COG4: variants seen among roughly 807,000 people sequenced by gnomAD.
The protein encoded by COG4 is conserved oligomeric Golgi complex subunit 4.
In COG4, 65 loss-of-function variants were observed where a neutral mutation model predicts 95.1. That is an observed-to-expected ratio of 0.68 (90% CI 0.56 to 0.84). The LOEUF (loss-of-function observed/expected upper bound fraction) is 0.84. Ranked by LOEUF, COG4 falls within the 40% of genes least tolerant of loss-of-function variation. The pLI, the probability that COG4 is intolerant of heterozygous loss-of-function variation, is 0.00. For synonymous variants in COG4, 421 were observed against 374.8 expected, an observed-to-expected ratio of 1.12 and a Z score of -1.42; for missense variants, 1,045 against 989.1, an observed-to-expected ratio of 1.06 and a Z score of -0.76.
intron 10 of COG4, among the ~76,000 whole-genome samples, chr16:70,497,713 G>A (rs891540623): frequency 1.3e-5 from 2 of 152,080 alleles, no homozygotes; most frequent in Non-Finnish European, 2.9e-5. Context: ...GAGCTGAGCT[G>A]AGCTGTTCTT....
chr16:70,508,429 A>G lies in COG4; in HGVS notation c.1038T>C (p.Ser346=), dbSNP rs1409437889. The change falls in exon 8 of 19, where the codon TCT becomes TCC. Residue 346 remains serine (S), a synonymous_variant. Transcript: ENST00000323786. ...ACCTTGGTTCGATTTTTTCTGTTGT[A>G]GAATTTCTCATCAGGTTGTTCTGAA... ...RHVQNNLMRN[S]TTEKIEPREL... The G allele has an allele frequency of 1.2e-6, 2 of 1,614,164 alleles. No homozygotes were observed. The highest frequency in any genetic ancestry group is 1.3e-5 in the African/African-American group (1 of 75,056).
chr16:70,491,668 C>A (rs935545777), intron 12 of COG4, among the ~76,000 whole-genome samples: 16 of 148,752 alleles, frequency 1.1e-4, no homozygotes, highest in African/African-American at 4.0e-4. Flanking sequence ...ACTAAAAATA[C>A]AAAAAATTAG....
intron 3 of COG4, among the ~76,000 whole-genome samples, chr16:70,516,926 G>A (rs568838884): frequency 6.6e-5 from 10 of 152,160 alleles, no homozygotes; most frequent in Admixed American, 3.9e-4. Context: ...ACCACACCTG[G>A]CTAATTTTTG....
At chr16:70,503,400 C>T (rs1487829713) in intron 8 of COG4, among the ~76,000 whole-genome samples, 2 of 152,146 alleles carry the variant, frequency 1.3e-5, no homozygotes, top group Non-Finnish European at 2.9e-5. Flanking sequence ...CATATAGTTT[C>T]CATACCTCTC....
rs774805185 is a variant in COG4 at position 70,509,935 on chromosome 16, T to C, written c.825A>G (p.Thr275=). 3 of 1,613,722 alleles carry C rather than the reference T, an allele frequency of 1.9e-6. No individual in the cohort carries two copies. The highest frequency in any genetic ancestry group is 2.2e-5 in the East Asian group (1 of 44,882). ...GCTCACCTTCAAACAGAAGAGTAAG[T>C]GTATCTGCAAAGATGACTGCAGCTC... is the stretch of plus-strand genomic sequence containing the variant. The part of the protein sequence containing the change: ...DRRAAVIFAD[T]LTLLFEGIAR... The change falls in exon 6 of 19, where the codon ACA becomes ACG. Residue 275 remains threonine (T), a synonymous_variant. Transcript: ENST00000323786.
rs766134428 is a variant in COG4, at chr16:70,512,274, C to G, written c.703G>C (p.Gly235Arg). The G allele has an allele frequency of 6.2e-7, 1 of 1,614,148 alleles. No homozygotes were observed. The highest frequency in any genetic ancestry group is 2.2e-5 in the East Asian group (1 of 44,872). The change falls in exon 5 of 19, where the codon GGA becomes CGA. Residue 235 changes from glycine to arginine, a missense_variant. By Grantham distance (125) the Gly-to-Arg change is moderately radical. Transcript: ENST00000323786. ...IFPLLGLHEE[G>R]LRKFSEYLCK... ...AGGTACTCCGAGAACTTTCTTAATC[C>G]CTCCTCATGCAAACCCAGCAGTGGG... is the stretch of plus-strand genomic sequence containing the variant.
At position 70,481,415 on chromosome 16, in the gene COG4, T is replaced by G. The variant is rs2048989474; in HGVS notation, c.2179A>C (p.Ile727Leu). The change falls in exon 18 of 19, where the codon ATC becomes CTC. Residue 727 changes from isoleucine to leucine, a missense_variant. Transcript: ENST00000323786. ...GAGAGCCGGGCAAACTTGTCTCGGA[T>G]GGTCCAGGTGGTCACCGTGGTAAGG... Reference protein sequence around the residue: ...AYLTTVTTWTIRDKFARLSQM... With the variant: ...AYLTTVTTWTLRDKFARLSQM... The G allele has an allele frequency of 6.2e-7, 1 of 1,613,072 alleles. No homozygotes were observed. Among genetic ancestry groups the G allele is most frequent in the Non-Finnish European group, 8.5e-7 (1 of 1,179,978 alleles).
chr16:70,514,464 G>C lies in COG4; in HGVS notation c.415C>G (p.Leu139Val). The change falls in exon 4 of 19, where the codon CTG (leucine) becomes GTG (valine). Residue 139 changes from leucine (L) to valine (V), a missense_variant. Coordinates refer to ENST00000323786, the MANE Select transcript of COG4 (RefSeq NM_015386.3). The stretch of plus-strand genomic sequence containing the variant: ...TGAACTCCATCCATGCAGAACTTCA[G>C]GTCCAAGATGTCATCAGCTCTCTGA... ...AIQRADDILD[L>V]KFCMDGVQTA... 1 of 1,614,132 alleles carries C rather than the reference G, an allele frequency of 6.2e-7. No homozygotes were observed. Among genetic ancestry groups the C allele is most frequent in the Non-Finnish European group, 8.5e-7 (1 of 1,180,020 alleles).
At chr16:70,505,658 T>C (rs904958153) in intron 8 of COG4, among the ~76,000 whole-genome samples, 1 of 150,110 alleles carries the variant, frequency 6.7e-6, no homozygotes, top group African/African-American at 2.5e-5. Flanking sequence ...TGAAACCCCG[T>C]CTCTACTAAA....
chr16:70,498,540 G>C (rs1009766377), intron 9 of COG4, among the ~76,000 whole-genome samples: 2 of 151,880 alleles, frequency 1.3e-5, no homozygotes, highest in Non-Finnish European at 2.9e-5. Context: ...GTTGAGGTTG[G>C]TCTTGAACTC....
At chr16:70,486,253 GAA>G (rs1567723244) in intron 13 of COG4, among the ~76,000 whole-genome samples, 15 of 152,158 alleles carry the variant, frequency 9.9e-5, no homozygotes. Context: ...TCTCCAGGGG[GAA>G]CTGCCTGAAA....
chr16:70,517,558 A>C (rs1200215270), intron 3 of COG4, 68 bp downstream of exon 3: 4 of 916,550 alleles, frequency 4.4e-6, no homozygotes, highest in Non-Finnish European at 6.8e-6. Context: ...ACTGTACTCC[A>C]GCCTAGGTGA....
At chr16:70,511,345 A>T (rs919042336) in intron 5 of COG4, among the ~76,000 whole-genome samples, 1 of 152,144 alleles carries the variant, frequency 6.6e-6, no homozygotes, top group Non-Finnish European at 1.5e-5. Context: ...ATATGTCAGC[A>T]CTTAGGGAAC....
At chr16:70,516,041 C>T in intron 3 of COG4, 1 of 455,988 alleles carries the variant, frequency 2.2e-6, no homozygotes, top group Non-Finnish European at 4.4e-6. Flanking sequence ...TTGAGTGTTT[C>T]TACCACGAAA....
At chr16:70,502,294 A>AAG (rs2049469952) in intron 8 of COG4, among the ~76,000 whole-genome samples, 1 of 140,494 alleles carries the variant, frequency 7.1e-6, no homozygotes, top group Non-Finnish European at 1.5e-5. Context: ...AAAAAAAAAA[A>AAG]AAAAAAAAAA....
At chr16:70,494,501 G>A (rs1044909409) in intron 12 of COG4, among the ~76,000 whole-genome samples, 17 of 152,128 alleles carry the variant, frequency 1.1e-4, no homozygotes, top group African/African-American at 3.6e-4. Flanking sequence ...ATTTAGCATC[G>A]CCTCTCTTTT....
At chr16:70,523,213 T>C in intron 1 of COG4, 160 bp downstream of exon 1, 3 of 799,394 alleles carry the variant, frequency 3.8e-6, no homozygotes, top group South Asian at 3.0e-5. Flanking sequence ...GTGAAAAGAG[T>C]TGACAGGACT....
chr16:70,487,543 T>C (rs1432915942), intron 13 of COG4, among the ~76,000 whole-genome samples: 5 of 152,096 alleles, frequency 3.3e-5, no homozygotes, highest in Admixed American at 6.5e-5. Flanking sequence ...GATCGCGCCA[T>C]TGCACTCTAG....
intron 12 of COG4, among the ~76,000 whole-genome samples, chr16:70,493,691 C>T (rs376031188): frequency 2.8e-4 from 43 of 152,210 alleles, no homozygotes; most frequent in East Asian, 1.2e-3. Flanking sequence ...CAGAGACTGA[C>T]GGGGACTTGG....
Sources: gnomAD v4.1 joint callset for allele counts (sites outside exome capture counted in the v4.1 genomes callset) on GRCh38, gnomAD v4.1.1 for gene constraint, MANE v1.5 for transcripts, NCBI Gene and HGNC (gene_info 2026-07-23, HGNC 2026-07-21) for gene names.